Variants in RPS6KA6 observed in about 807,000 individuals in gnomAD.
RPS6KA6 encodes ribosomal protein S6 kinase alpha-6.
RPS6KA6 carries 27 observed loss-of-function variants against 65.4 expected under a neutral mutation model. The observed-to-expected ratio is 0.41, with a 90% confidence interval of 0.30 to 0.57. RPS6KA6 has a LOEUF of 0.57. Ranked by LOEUF, RPS6KA6 falls within the 20% of genes least tolerant of loss-of-function variation. The probability of loss-of-function intolerance (pLI) is 0.24; values close to 1 mark genes in which losing one functional copy is unlikely to be tolerated. For missense variants in RPS6KA6, 486 were observed against 555.6 expected (o/e 0.87, Z 1.26); for synonymous variants, 190 against 184.2 (o/e 1.03, Z -0.26).
intron 20 of RPS6KA6, 26 bp downstream of exon 20, chrX:84,096,168 A>G (rs1267306797): frequency 1.0e-6 from 1 of 997,526 alleles, no homozygotes; most frequent in East Asian, 3.1e-5. Context: ...CATGAATGCA[A>G]CAAAACAAAA....
At chrX:84,165,692 C>T (rs1488550604) in intron 1 of RPS6KA6, among the ~76,000 whole-genome samples, 2 of 111,226 alleles carry the variant, frequency 1.8e-5, no homozygotes. Context: ...CCAAGGCAAG[C>T]CCTGATCAAG....
At chrX:84,092,564 G>A (rs1409349056) in intron 20 of RPS6KA6, among the ~76,000 whole-genome samples, 1 of 109,693 alleles carries the variant, frequency 9.1e-6, no homozygotes, top group Non-Finnish European at 1.9e-5. Flanking sequence ...AGAGGTTGCA[G>A]TGAGCCGAGG....
intron 1 of RPS6KA6, among the ~76,000 whole-genome samples, chrX:84,178,831 G>C (rs1374196966): frequency 9.1e-6 from 1 of 110,247 alleles, no homozygotes; most frequent in East Asian, 2.8e-4. Flanking sequence ...ACTTCTAGAA[G>C]AAAACTTAAG....
rs747759736 is a variant in RPS6KA6 at position 84,144,190 on chromosome X, C to T, written c.501+1288G>A. On this transcript the variant is annotated intron_variant, in intron 6 of 21. Coordinates refer to ENST00000262752, the MANE Select transcript of RPS6KA6 (RefSeq NM_014496.5). Reference sequence around the variant, plus strand: ...AAAAAATCCTATAAATCAGACTTCACCAAAATTAAGAACTTCTGCTTTTCA... The same window carrying T: ...AAAAAATCCTATAAATCAGACTTCATCAAAATTAAGAACTTCTGCTTTTCA... Among the ~76,000 whole-genome samples the T allele has an allele frequency of 1.4e-4, 15 of 110,898 alleles. No homozygotes were observed. The South Asian group carries it at 4.5e-3, about 33-fold the overall frequency.
At chrX:84,086,860 T>C (rs1001428067) in intron 20 of RPS6KA6, among the ~76,000 whole-genome samples, 2 of 111,858 alleles carry the variant, frequency 1.8e-5, no homozygotes, top group Admixed American at 1.9e-4. Flanking sequence ...ATTGGGTGCA[T>C]ATATATTTAT....
At chrX:84,151,165 TAG>T (rs1491404703) in intron 3 of RPS6KA6, among the ~76,000 whole-genome samples, 29 of 98,980 alleles carry the variant, frequency 2.9e-4, no homozygotes, top group African/African-American at 1.1e-3. Context: ...ATAGGATATA[TAG>T]ATATATATAT....
rs765483824 is a variant in RPS6KA6 at position 84,064,474 on chromosome X, A to G, written c.2113-72T>C. 1.3e-5 allele frequency: 13 copies of G among 964,093 alleles called. No homozygotes were observed. The East Asian group carries it at 2.3e-4, about 17-fold the overall frequency. 79.5% of individuals were successfully genotyped at this position (964,093 alleles called of 1,213,427 possible). On this transcript the variant is annotated intron_variant, in intron 21 of 21. Coordinates refer to ENST00000262752, the MANE Select transcript of RPS6KA6 (RefSeq NM_014496.5). ...TAAAAAAAAAAAAAACTTTCACATG[A>G]TATCATGAGACATATATCTAGAACA...
At position 84,187,922 on chromosome X, in the gene RPS6KA6, C is replaced by G. The variant is rs371448814; in HGVS notation, c.-23G>C. On this transcript the variant is annotated 5_prime_UTR_variant, in exon 1 of 22. Transcript: ENST00000262752. ...CATCTCCCCTTCAGGAGCACTCAAA[C>G]AGGAGCTGCCGCCTACCGCTGGCGC... 7.8e-6 allele frequency: 9 copies of G among 1,155,445 alleles called. No individual in the cohort carries two copies. In the South Asian group the frequency reaches 1.2e-4, roughly 15 times the overall value.
Position 84,064,367 on chromosome X carries a change from G to C in RPS6KA6, c.2148C>G (p.His716Gln). Reference protein sequence around the residue: ...AMVATYSALTHKTFQPVLEPV... With the variant: ...AMVATYSALTQKTFQPVLEPV... ...GCTCTAGGACTGGTTGAAAGGTCTTGTGAGTCAGGGCAGAGTATGTTGCAA... is the reference window on the plus strand; with the variant it reads ...GCTCTAGGACTGGTTGAAAGGTCTTCTGAGTCAGGGCAGAGTATGTTGCAA... The change falls in exon 22 of 22, where the codon CAC (histidine) becomes CAG (glutamine). Residue 716 changes from histidine to glutamine, a missense_variant. By Grantham distance (24) the His-to-Gln change is conservative. Transcript: ENST00000262752. 8.3e-7 allele frequency: 1 copy of C among 1,206,898 alleles called. No homozygotes were observed. Among genetic ancestry groups the C allele is most frequent in the Non-Finnish European group, 1.1e-6 (1 of 893,145 alleles).
At chrX:84,132,938 C>A (rs1411408967) in intron 8 of RPS6KA6, among the ~76,000 whole-genome samples, 1 of 109,414 alleles carries the variant, frequency 9.1e-6, no homozygotes, top group African/African-American at 3.3e-5. Context: ...TATTGCCATT[C>A]TCCTGCAATT....
At chrX:84,107,137 G>A in intron 13 of RPS6KA6, 97 bp from the exon 14 acceptor site, 1 of 615,835 alleles carries the variant, frequency 1.6e-6, no homozygotes, top group East Asian at 3.7e-5. Context: ...ACCATTAAAT[G>A]CTACTAACAT....
intron 15 of RPS6KA6, 134 bp downstream of exon 15, chrX:84,106,231 T>C (rs1034727793): frequency 1.8e-6 from 1 of 558,105 alleles, no homozygotes; most frequent in African/African-American, 2.4e-5. Context: ...AATGAAAATA[T>C]TAAGTCTCAG....
At chrX:84,073,775 G>C (rs1252355319) in intron 20 of RPS6KA6, among the ~76,000 whole-genome samples, 1 of 109,939 alleles carries the variant, frequency 9.1e-6, no homozygotes, top group Non-Finnish European at 1.9e-5. Flanking sequence ...TAGGTATATG[G>C]AAAAATGCTC....
chrX:84,119,624 C>T (rs1417569886), intron 9 of RPS6KA6, among the ~76,000 whole-genome samples: 3 of 110,994 alleles, frequency 2.7e-5, no homozygotes, highest in African/African-American at 9.8e-5. Context: ...TCTGACAGAC[C>T]TTTTCATAAG....
chrX:84,127,405 T>C (rs1412781718), intron 8 of RPS6KA6, among the ~76,000 whole-genome samples: 1 of 111,005 alleles, frequency 9.0e-6, no homozygotes, highest in African/African-American at 3.3e-5. Context: ...GAAGAATTAA[T>C]ACCAATCCTG....
intron 20 of RPS6KA6, among the ~76,000 whole-genome samples, chrX:84,091,508 T>C (rs1015980563): frequency 8.9e-6 from 1 of 111,817 alleles, no homozygotes; most frequent in African/African-American, 3.3e-5. Context: ...CAAATAGTAA[T>C]GGGAAAACAG....
At chrX:84,087,313 A>C (rs748815346) in intron 20 of RPS6KA6, among the ~76,000 whole-genome samples, 85 of 111,233 alleles carry the variant, frequency 7.6e-4, no homozygotes, top group Non-Finnish European at 1.4e-3. Flanking sequence ...TTTCATATTT[A>C]GTGCTTCCTT....
intron 6 of RPS6KA6, among the ~76,000 whole-genome samples, chrX:84,142,449 A>G (rs1033332111): frequency 9.0e-6 from 1 of 111,515 alleles, no homozygotes; most frequent in African/African-American, 3.2e-5. Context: ...CTCCCATCTT[A>G]AAAACCAGAA....
intron 8 of RPS6KA6, among the ~76,000 whole-genome samples, chrX:84,128,669 A>G (rs1194976429): frequency 5.4e-5 from 6 of 111,722 alleles, no homozygotes; most frequent in African/African-American, 1.9e-4. Context: ...GGAACAGAAT[A>G]GAGAACCCAG....
Sources: allele counts gnomAD v4.1 joint callset (sites outside exome capture counted in the v4.1 genomes callset), GRCh38; gene constraint gnomAD v4.1.1; transcripts MANE v1.5; gene names NCBI Gene and HGNC (gene_info 2026-07-23, HGNC 2026-07-21).